The following GAS2 variants were observed in gnomAD, a reference collection of about 807,000 sequenced individuals.
GAS2 encodes growth arrest specific 2, also known as growth arrest-specific protein 2.
A neutral mutation model predicts 37.5 loss-of-function variants in GAS2; 20 were observed. The observed-to-expected ratio is 0.53, with a 90% CI of 0.37 to 0.77. The LOEUF is 0.77. Ranked by LOEUF, GAS2 falls within the 30% of genes least tolerant of loss-of-function variation. The pLI, the probability that GAS2 is intolerant of heterozygous loss-of-function variation, is 0.00. For missense variants in GAS2, 336 were observed against 373.4 expected (o/e 0.90, Z 0.82); for synonymous variants, 144 against 132.2 (o/e 1.09, Z -0.61).
At chr11:22,735,210 G>C (rs1382206244) in intron 4 of GAS2, among the ~76,000 whole-genome samples, 1 of 143,864 alleles carries the variant, frequency 7.0e-6, no homozygotes, top group South Asian at 2.2e-4. Context: ...ATTGCTTGCT[G>C]GTCACCAATC....
chr11:22,670,829 T>C (rs1849168728), intron 1 of GAS2, among the ~76,000 whole-genome samples: 2 of 152,092 alleles, frequency 1.3e-5, no homozygotes, highest in Non-Finnish European at 2.9e-5. Flanking sequence ...AGTTCCAATA[T>C]TCTATCCATT....
chr11:22,743,469 T>A (rs1364058351), intron 5 of GAS2, among the ~76,000 whole-genome samples: 2 of 152,070 alleles, frequency 1.3e-5, no homozygotes, highest in African/African-American at 4.8e-5. Flanking sequence ...CTTCTAATAA[T>A]ACTAAAACAT....
chr11:22,721,553 T>A (rs1851948866), intron 3 of GAS2, among the ~76,000 whole-genome samples: 1 of 151,992 alleles, frequency 6.6e-6, no homozygotes, highest in African/African-American at 2.4e-5. Flanking sequence ...AACTCCAAAT[T>A]ATAAATTCAC....
intron 7 of GAS2, among the ~76,000 whole-genome samples, chr11:22,786,621 T>C (rs1030913421): frequency 3.9e-5 from 6 of 152,156 alleles, no homozygotes; most frequent in African/African-American, 1.4e-4. Flanking sequence ...ATGATTGTAA[T>C]TGTATCTACC....
intron 1 of GAS2, among the ~76,000 whole-genome samples, chr11:22,641,028 G>A (rs1050814571): frequency 6.6e-6 from 1 of 151,404 alleles, no homozygotes; most frequent in African/African-American, 2.4e-5. Flanking sequence ...TCTGCGCAGA[G>A]GAGTGAACTG....
intron 3 of GAS2, among the ~76,000 whole-genome samples, chr11:22,703,541 T>G (rs562597787): frequency 2.5e-4 from 38 of 152,316 alleles, no homozygotes; most frequent in Admixed American, 2.0e-3. Flanking sequence ...TTAAGAACCT[T>G]TTCTAAAAGG....
In GAS2 at chr11:22,766,917, G is replaced by T. The variant is rs578114767; in HGVS notation, c.723+10964G>T. Among the ~76,000 whole-genome samples, 80 of 152,190 alleles carry T rather than the reference G, an allele frequency of 5.3e-4. 1 individual carries two copies. Among genetic ancestry groups the T allele is most frequent in the African/African-American group, 1.9e-3 (79 of 41,542 alleles). ...TGGCAGAGAGATGAATTTGCATTTT[G>T]TATCATTTTTTACTTTTATTAAAGG... On this transcript the variant is annotated intron_variant, in intron 7 of 7. Transcript: ENST00000454584.
At chr11:22,637,106 T>G (rs1204739846) in intron 1 of GAS2, among the ~76,000 whole-genome samples, 7 of 129,170 alleles carry the variant, frequency 5.4e-5, no homozygotes, top group African/African-American at 1.8e-4. Context: ...TGTATTACAT[T>G]ATATTAATAT....
At chr11:22,722,020 C>A (rs759887472) in intron 3 of GAS2, among the ~76,000 whole-genome samples, 2 of 151,838 alleles carry the variant, frequency 1.3e-5, no homozygotes, top group Non-Finnish European at 2.9e-5. Context: ...CATCGTATAG[C>A]AGAGGACACT....
At chr11:22,686,565 A>G (rs1164588376) in intron 3 of GAS2, among the ~76,000 whole-genome samples, 1 of 5,836 alleles carries the variant, frequency 1.7e-4, no homozygotes, top group Non-Finnish European at 5.4e-4. Flanking sequence ...AAAAAAAAAA[A>G]AAAAAAAAAA....
intron 6 of GAS2, 39 bp from the exon 7 acceptor site, chr11:22,755,807 T>C: frequency 6.8e-7 from 1 of 1,462,148 alleles, no homozygotes; most frequent in South Asian, 1.2e-5. Context: ...AAATGCAGCC[T>C]AATTAAGACA....
At chr11:22,677,310 G>T (rs2133900546) in intron 2 of GAS2, among the ~76,000 whole-genome samples, 1 of 152,218 alleles carries the variant, frequency 6.6e-6, no homozygotes, top group Middle Eastern at 3.4e-3. Context: ...GAGGAGGGAA[G>T]GGCATGTGTT....
intron 3 of GAS2, among the ~76,000 whole-genome samples, chr11:22,698,787 A>G (rs939234661): frequency 5.9e-5 from 9 of 152,208 alleles, no homozygotes; most frequent in Non-Finnish European, 1.3e-4. Flanking sequence ...AGAAGAGGTG[A>G]CCAAACAGTA....
intron 1 of GAS2, among the ~76,000 whole-genome samples, chr11:22,630,547 A>G (rs1170340306): frequency 1.3e-5 from 2 of 152,166 alleles, no homozygotes; most frequent in African/African-American, 4.8e-5. Flanking sequence ...TTTGCAGTCT[A>G]CTCATCTGAC....
chr11:22,791,158 G>C (rs1856139742), intron 7 of GAS2, among the ~76,000 whole-genome samples: 2 of 152,184 alleles, frequency 1.3e-5, no homozygotes. Flanking sequence ...TTTGAGATTT[G>C]AGAATGAATT....
At chr11:22,745,733 TAAAC>T (rs905989894) in intron 5 of GAS2, among the ~76,000 whole-genome samples, 8 of 151,918 alleles carry the variant, frequency 5.3e-5, no homozygotes, top group Admixed American at 1.3e-4. Flanking sequence ...ATAAGAAACT[TAAAC>T]AATTCAATAA....
At chr11:22,642,150 T>C (rs1469774747) in intron 1 of GAS2, among the ~76,000 whole-genome samples, 1 of 152,108 alleles carries the variant, frequency 6.6e-6, no homozygotes, top group Non-Finnish European at 1.5e-5. Context: ...ATGTAGAGAA[T>C]TGATTACCAC....
chr11:22,714,867 C>G (rs1238241559), intron 3 of GAS2, among the ~76,000 whole-genome samples: 1 of 152,024 alleles, frequency 6.6e-6, no homozygotes, highest in African/African-American at 2.4e-5. Context: ...AAAAGCAGTG[C>G]TAAGAGGAAA....
At chr11:22,794,736 C>T (rs529045641) in intron 7 of GAS2, among the ~76,000 whole-genome samples, 1 of 152,252 alleles carries the variant, frequency 6.6e-6, no homozygotes, top group Non-Finnish European at 1.5e-5. Flanking sequence ...GATGAAAAGG[C>T]CCTTACCAGG....
Sources: gnomAD v4.1 joint callset for allele counts (sites outside exome capture counted in the v4.1 genomes callset) on GRCh38, gnomAD v4.1.1 for gene constraint, MANE v1.5 for transcripts, NCBI Gene and HGNC (gene_info 2026-07-23, HGNC 2026-07-21) for gene names.